The following FBXL16 variants were observed in gnomAD, a reference collection of about 807,000 sequenced individuals.
FBXL16 encodes F-box and leucine rich repeat protein 16.
Under a neutral mutation model 36.7 loss-of-function variants are expected in FBXL16, and 7 were observed. The observed-to-expected ratio is 0.19, with a 90% CI of 0.11 to 0.36. FBXL16 has a LOEUF of 0.36. Ranked by LOEUF, FBXL16 falls within the 10% of genes least tolerant of loss-of-function variation. The pLI, the probability that FBXL16 is intolerant of heterozygous loss-of-function variation, is 1.00. For synonymous variants in FBXL16, 355 were observed against 308.7 expected, an observed-to-expected ratio of 1.15 and a Z score of -1.57; for missense variants, 463 against 659.4, an observed-to-expected ratio of 0.70 and a Z score of 3.26.
intron 1 of FBXL16, among the ~76,000 whole-genome samples, chr16:703,395 G>T (rs1261621384): frequency 6.6e-6 from 1 of 152,108 alleles, no homozygotes; most frequent in Non-Finnish European, 1.5e-5. Context: ...CTGGGGCACA[G>T]CCTAACCAAC....
Position 694,297 on chromosome 16 carries a change from G to A in FBXL16, c.1418C>T (p.Pro473Leu). The A allele has an allele frequency of 6.9e-7, 1 of 1,452,796 alleles. No individual in the cohort carries two copies. Among genetic ancestry groups the A allele is most frequent in the Non-Finnish European group, 9.1e-7 (1 of 1,102,110 alleles). 90.0% of individuals were successfully genotyped at this position (1,452,796 alleles called of 1,614,324 possible). A position where few individuals can be genotyped will look rare whatever the true frequency, so the allele number is the denominator to read the frequency against. ...ELFKYFSQHL[P>L]RCLVIE ...GCGCTACTCAATGACGAGGCAGCGGGGCAGGTGCTGCGAGAAATACTTGAA... is the reference window on the plus strand; with the variant it reads ...GCGCTACTCAATGACGAGGCAGCGGAGCAGGTGCTGCGAGAAATACTTGAA... The change falls in exon 6 of 6, where the codon CCC becomes CTC. Residue 473 changes from proline to leucine, a missense_variant. This residue lies in a region of FBXL16 where 134 missense variants were observed against 172.0 expected (regional missense o/e 0.78). Coordinates refer to ENST00000397621, the MANE Select transcript of FBXL16 (RefSeq NM_153350.4).
Position 697,559 on chromosome 16 carries a change from G to GAAGCAGGCAC in FBXL16, c.-14-141_-14-140insGTGCCTGCTT. 8.8e-7 allele frequency: 1 copy of GAAGCAGGCAC among 1,141,736 alleles called. No homozygotes were observed. Among genetic ancestry groups the GAAGCAGGCAC allele is most frequent in the Non-Finnish European group, 1.2e-6 (1 of 841,394 alleles). The allele number at this position is 1,141,736 out of a possible 1,614,324, so 70.7% of individuals were successfully genotyped here. On this transcript the variant is annotated intron_variant, in intron 1 of 5. Coordinates refer to ENST00000397621, the MANE Select transcript of FBXL16 (RefSeq NM_153350.4). This position sits in a 1 kb window ranked among gnomAD's most constrained non-coding sequence, Gnocchi z 4.6. ...GAACCACCAGACAGAGAGGATGGGAGTGCCTGCTTCTCCCTCCCAGACTGT... is the reference window on the plus strand; with the variant it reads ...GAACCACCAGACAGAGAGGATGGGAGAAGCAGGCACTGCCTGCTTCTCCCTCCCAGACTGT...
intron 1 of FBXL16, among the ~76,000 whole-genome samples, chr16:704,474 A>T (rs752804492): frequency 6.6e-6 from 1 of 152,202 alleles, no homozygotes; most frequent in Non-Finnish European, 1.5e-5. Context: ...CCTCCCCTCC[A>T]GGCGGCTCCA....
intron 1 of FBXL16, among the ~76,000 whole-genome samples, chr16:699,857 G>A (rs189842433): frequency 1.3e-3 from 203 of 151,476 alleles, no homozygotes; most frequent in Admixed American, 3.3e-3. Flanking sequence ...AGATTCCAAC[G>A]CTTGGGGTGG....
At position 697,473 on chromosome 16, in the gene FBXL16, G is replaced by A. The variant is rs149038281; in HGVS notation, c.-14-54C>T. The A allele has an allele frequency of 8.8e-6, 13 of 1,475,312 alleles. No homozygotes were observed. The highest frequency in any genetic ancestry group is 2.8e-5 in the African/African-American group (2 of 71,156). 91.4% of individuals were successfully genotyped at this position (1,475,312 alleles called of 1,614,324 possible). On this transcript the variant is annotated intron_variant, in intron 1 of 5. Transcript: ENST00000397621. This position sits in a 1 kb window ranked among gnomAD's most constrained non-coding sequence, Gnocchi z 4.6. ...AGTCTGTTGCTGAGTCTGGAAGGCC[G>A]GGGTTGGGGGCGGGTGCAGTGGGGC...
chr16:698,913 CAAAAAAAAAAA>C (rs767619638), intron 1 of FBXL16, among the ~76,000 whole-genome samples: 1 of 89,738 alleles, frequency 1.1e-5, no homozygotes, highest in African/African-American at 4.1e-5. Flanking sequence ...GACTTTGTCT[CAAAAAAAAAAA>C]AAAAAAAAGA....
At chr16:700,937 G>T (rs974058303) in intron 1 of FBXL16, among the ~76,000 whole-genome samples, 3 of 152,232 alleles carry the variant, frequency 2.0e-5, no homozygotes, top group Admixed American at 6.5e-5. Context: ...GGCGAAGAGT[G>T]GGGGAGAAGC....
intron 1 of FBXL16, among the ~76,000 whole-genome samples, chr16:703,073 C>G (rs1408353229): frequency 1.3e-5 from 2 of 152,218 alleles, no homozygotes; most frequent in Non-Finnish European, 2.9e-5. Flanking sequence ...CCAAAAGCCC[C>G]GGGGCTGGCT....
chr16:695,398 G>T lies in FBXL16; in HGVS notation c.1142+17C>A. On this transcript the variant is annotated intron_variant, in intron 3 of 5. Coordinates refer to ENST00000397621, the MANE Select transcript of FBXL16 (RefSeq NM_153350.4). Reference sequence around the variant, plus strand: ...CGCCCGGCCCAGCCCCGCCCGGCGCGGCCCGGGGGCGCGCACCTGTCGAGC... The same window carrying T: ...CGCCCGGCCCAGCCCCGCCCGGCGCTGCCCGGGGGCGCGCACCTGTCGAGC... 2.0e-6 allele frequency: 3 copies of T among 1,509,238 alleles called. No individual in the cohort carries two copies. The highest frequency in any genetic ancestry group is 1.8e-6 in the Non-Finnish European group (2 of 1,132,562). The allele number at this position is 1,509,238 out of a possible 1,614,324, so 93.5% of individuals were successfully genotyped here.
At chr16:704,927 C>G (rs1596577514) in intron 1 of FBXL16, among the ~76,000 whole-genome samples, 1 of 152,338 alleles carries the variant, frequency 6.6e-6, no homozygotes, top group East Asian at 1.9e-4. Flanking sequence ...GGACCCCTCC[C>G]GAGCAGGTCT....
intron 3 of FBXL16, 168 bp downstream of exon 3, chr16:695,247 T>C: frequency 8.9e-7 from 1 of 1,128,838 alleles, no homozygotes; most frequent in Admixed American, 2.7e-5. Flanking sequence ...CAACCCGTGC[T>C]GCGGTTCTGC....
intron 1 of FBXL16, among the ~76,000 whole-genome samples, chr16:701,899 A>G (rs2040060099): frequency 2.0e-5 from 3 of 152,142 alleles, no homozygotes; most frequent in South Asian, 4.1e-4. Flanking sequence ...CCCCAGGGGA[A>G]AGAGAGAGAG....
chr16:695,484 C>T lies in FBXL16; in HGVS notation c.1073G>A (p.Arg358His). The change falls in exon 3 of 6, where the codon CGC becomes CAC. Residue 358 changes from arginine to histidine, a missense_variant. Transcript: ENST00000397621. ...GTACTCCAGCGCCATGTCGGTGATGCGTGGGCACCACGAGAGGTCAAGGCT... is the reference window on the plus strand; with the variant it reads ...GTACTCCAGCGCCATGTCGGTGATGTGTGGGCACCACGAGAGGTCAAGGCT... ...LRSLDLSWCP[R>H]ITDMALEYVA... The T allele has an allele frequency of 6.3e-7, 1 of 1,586,174 alleles. No homozygotes were observed.
At chr16:694,803 T>C (rs2039998301) in intron 4 of FBXL16, 106 bp from the exon 5 acceptor site, 2 of 1,332,462 alleles carry the variant, frequency 1.5e-6, no homozygotes, top group Non-Finnish European at 2.1e-6. Context: ...GGTTCCTCCG[T>C]CCCCCCCGGA....
Position 700,637 on chromosome 16 carries a change from G to C in FBXL16, c.-14-3218C>G, listed in dbSNP as rs1596575495. On this transcript the variant is annotated intron_variant, in intron 1 of 5. Coordinates refer to ENST00000397621, the MANE Select transcript of FBXL16 (RefSeq NM_153350.4). ...ATCGCAGGATGCCGGCGCCCGAGGC[G>C]GCAGCACCAGGCCCACGGGCGCCCC... Among the ~76,000 whole-genome samples the C allele has an allele frequency of 3.9e-5, 6 of 152,054 alleles. 1 individual carries two copies. The South Asian group carries it at 1.2e-3, about 32-fold the overall frequency.
At chr16:705,180 C>T (rs770291138) in intron 1 of FBXL16, among the ~76,000 whole-genome samples, 1 of 152,184 alleles carries the variant, frequency 6.6e-6, no homozygotes. Context: ...GCCCTCTGAG[C>T]CGACCAGGCG....
rs1596573840 is a variant in FBXL16 at position 697,532 on chromosome 16, C to T, written c.-14-113G>A. ...TCCTTGGGCGTCCCTATGGTGCTCC[C>T]AGAACCACCAGACAGAGAGGATGGG... On this transcript the variant is annotated intron_variant, in intron 1 of 5. Transcript: ENST00000397621. This position sits in a 1 kb window ranked among gnomAD's most constrained non-coding sequence, Gnocchi z 4.6. The T allele has an allele frequency of 5.5e-6, 7 of 1,282,260 alleles. No homozygotes were observed. In the East Asian group the frequency reaches 1.1e-4, roughly 20 times the overall value. The allele number at this position is 1,282,260 out of a possible 1,614,324, so 79.4% of individuals were successfully genotyped here.
intron 1 of FBXL16, among the ~76,000 whole-genome samples, chr16:700,772 C>T (rs537331205): frequency 2.6e-4 from 39 of 152,152 alleles, no homozygotes; most frequent in African/African-American, 8.9e-4. Context: ...CGCCGGCCGG[C>T]GCGCCACCCG....
At chr16:696,125 C>G (rs1053173983) in intron 2 of FBXL16, 86 of 682,474 alleles carry the variant, frequency 1.3e-4, no homozygotes, top group Admixed American at 1.7e-4. Flanking sequence ...CAATTAGACT[C>G]CAGACCCGGC....
Sources: allele counts gnomAD v4.1 joint callset (sites outside exome capture counted in the v4.1 genomes callset), GRCh38; gene constraint gnomAD v4.1.1; regional missense constraint gnomAD v4.1.1; non-coding constraint Gnocchi (gnomAD v3.1); transcripts MANE v1.5; gene names NCBI Gene and HGNC (gene_info 2026-07-23, HGNC 2026-07-21).